SLC1A7: variants seen among roughly 807,000 people sequenced by gnomAD.
The protein encoded by SLC1A7 is solute carrier family 1 member 7.
A neutral mutation model predicts 47.7 loss-of-function variants in SLC1A7; 40 were observed. The ratio of observed to expected loss-of-function variants is 0.84; its 90% confidence interval spans 0.65 to 1.09. SLC1A7 has a LOEUF of 1.09. Among genes scored for constraint, SLC1A7 ranks in the 50% least tolerant of loss-of-function variants. The probability of loss-of-function intolerance (pLI) is 0.00; values close to 1 mark genes in which losing one functional copy is unlikely to be tolerated. For synonymous variants in SLC1A7, 323 were observed against 325.6 expected (o/e 0.99, Z 0.09); for missense variants, 746 against 769.5 (o/e 0.97, Z 0.36).
chr1:53,096,865 T>C (rs1644498792), intron 5 of SLC1A7, among the ~76,000 whole-genome samples: 1 of 122,984 alleles, frequency 8.1e-6, no homozygotes, highest in Non-Finnish European at 1.7e-5. Context: ...GTACGCTCAC[T>C]TTGCCTCGAT....
At chr1:53,135,944 A>C (rs1644988200) in intron 1 of SLC1A7, among the ~76,000 whole-genome samples, 1 of 151,700 alleles carries the variant, frequency 6.6e-6, no homozygotes, top group African/African-American at 2.4e-5. Context: ...AAAATCTCCA[A>C]ATCATCAAAT....
intron 2 of SLC1A7, among the ~76,000 whole-genome samples, chr1:53,130,776 G>A (rs535837867): frequency 2.2e-4 from 33 of 152,278 alleles, no homozygotes; most frequent in African/African-American, 7.7e-4. Context: ...AAGCAGCTCT[G>A]GTGATTTTGC....
intron 2 of SLC1A7, among the ~76,000 whole-genome samples, chr1:53,119,730 T>C (rs1355826189): frequency 3.3e-5 from 5 of 152,178 alleles, no homozygotes; most frequent in African/African-American, 4.8e-5. Context: ...CCCTTGGTAA[T>C]GAGCCTCAGA....
chr1:53,107,110 C>T (rs575575509), intron 3 of SLC1A7, among the ~76,000 whole-genome samples: 8 of 137,768 alleles, frequency 5.8e-5, no homozygotes, highest in Non-Finnish European at 1.1e-4. Context: ...GAGCTGAGAT[C>T]GCACCACTGC....
intron 1 of SLC1A7, among the ~76,000 whole-genome samples, chr1:53,137,645 TAA>T (rs996887251): frequency 3.9e-5 from 6 of 152,222 alleles, no homozygotes; most frequent in African/African-American, 7.2e-5. Flanking sequence ...GCTTGTAGCC[TAA>T]AGTTAATTGA....
At chr1:53,092,421 C>T (rs1424219909) in intron 7 of SLC1A7, 133 bp downstream of exon 7, 9 of 689,014 alleles carry the variant, frequency 1.3e-5, no homozygotes, top group African/African-American at 7.1e-5. Context: ...CAGCACCAGC[C>T]GTCCCCGCAT....
chr1:53,108,586 C>T (rs768530175), intron 3 of SLC1A7: 21 of 717,944 alleles, frequency 2.9e-5, no homozygotes, highest in Non-Finnish European at 5.5e-5. Flanking sequence ...AGGAGGTGCC[C>T]ATTCAGCCAG....
At chr1:53,116,688 C>T (rs998614892) in intron 2 of SLC1A7, among the ~76,000 whole-genome samples, 1 of 152,010 alleles carries the variant, frequency 6.6e-6, no homozygotes, top group East Asian at 1.9e-4. Context: ...CATGACAGAA[C>T]CCCCCGCAGT....
At chr1:53,123,708 AGAGCATGGAAGTCTGTG>A (rs1202212235) in intron 2 of SLC1A7, among the ~76,000 whole-genome samples, 1 of 152,348 alleles carries the variant, frequency 6.6e-6, no homozygotes. Context: ...GAAGGGAGCG[AGAGCATGGAAGTCTGTG>A]GTGCAGGATA....
intron 3 of SLC1A7, among the ~76,000 whole-genome samples, chr1:53,111,572 A>T (rs973865293): frequency 2.0e-5 from 3 of 152,156 alleles, no homozygotes; most frequent in Non-Finnish European, 4.4e-5. Flanking sequence ...TTGGTTTTCA[A>T]GGTAGAGCTC....
In SLC1A7 at chr1:53,096,547, C is replaced by T. The variant is rs115877268; in HGVS notation, c.698-2987G>A. Among the ~76,000 whole-genome samples the T allele has an allele frequency of 2.0e-3, 294 of 146,258 alleles. 1 individual carries two copies. Among genetic ancestry groups the T allele is most frequent in the Non-Finnish European group, 3.7e-3 (245 of 66,384 alleles). ...AAACCCCAGCTCAGTACACTCACAC[C>T]CCATGCCTCAGTACACTCACACACT... On this transcript the variant is annotated intron_variant, in intron 5 of 10. Transcript: ENST00000371494.
intron 2 of SLC1A7, among the ~76,000 whole-genome samples, chr1:53,116,856 C>T (rs1278161809): frequency 2.6e-5 from 4 of 152,190 alleles, no homozygotes; most frequent in Admixed American, 2.6e-4. Context: ...TCGCACATGC[C>T]CACTCCGTGC....
intron 2 of SLC1A7, among the ~76,000 whole-genome samples, chr1:53,127,491 G>A (rs12240252): frequency 0.19 from 28,195 of 152,106 alleles, 2,810 homozygotes; most frequent in Middle Eastern, 0.31. Flanking sequence ...GAGAAGGAAG[G>A]TTCCAGGAGA....
Position 53,103,620 on chromosome 1 carries a change from A to G in SLC1A7, c.475-52T>C, listed in dbSNP as rs1341614343. On this transcript the variant is annotated intron_variant, in intron 4 of 10. Coordinates refer to ENST00000371494, the MANE Select transcript of SLC1A7 (RefSeq NM_006671.6). ...GAAGTCAGGGCCAAGGGTTGTTACT[A>G]ATATTAACGACAACAATAATAGCAT... 5 of 1,081,960 alleles carry G rather than the reference A, an allele frequency of 4.6e-6. No homozygotes were observed. The East Asian group carries it at 7.3e-5, about 16-fold the overall frequency. 67.0% of individuals were successfully genotyped at this position (1,081,960 alleles called of 1,614,324 possible).
At chr1:53,090,016 G>C (rs755771557) in intron 8 of SLC1A7, 82 bp from the exon 9 acceptor site, 7 of 1,503,892 alleles carry the variant, frequency 4.7e-6, no homozygotes, top group Non-Finnish European at 4.6e-6. Flanking sequence ...AAGAGGTTGA[G>C]TGTCAGGGCC....
chr1:53,091,378 C>CG (rs1644419736), intron 7 of SLC1A7, among the ~76,000 whole-genome samples: 1 of 152,224 alleles, frequency 6.6e-6, no homozygotes, highest in Admixed American at 6.5e-5. Flanking sequence ...TCCTCTCCCC[C>CG]GGGCCTCTGC....
chr1:53,116,591 A>G (rs544504493), intron 2 of SLC1A7, among the ~76,000 whole-genome samples: 10 of 152,302 alleles, frequency 6.6e-5, no homozygotes, highest in African/African-American at 2.2e-4. Flanking sequence ...GCCAGAGGAA[A>G]TGGGGGGCTG....
Position 53,142,402 on chromosome 1 carries a change from C to T in SLC1A7, c.48G>A (p.Arg16=). 1 of 1,610,550 alleles carries T rather than the reference C, an allele frequency of 6.2e-7. No homozygotes were observed. The highest frequency in any genetic ancestry group is 1.7e-4 in the Middle Eastern group (1 of 6,052). Residue 16 remains arginine (R), a synonymous_variant, in exon 1 of 11, where the codon CGG becomes CGA. Coordinates refer to ENST00000371494, the MANE Select transcript of SLC1A7 (RefSeq NM_006671.6). ...GCACAGACAGGATGAGGAGTCCATT[C>T]CGCCTGCACACGTCCCTCCCCCGTG... The part of the protein sequence containing the change: ...ILARGRDVCR[R]NGLLILSVLS...
rs1452135306 is a variant in SLC1A7 at position 53,134,448 on chromosome 1, C to G, written c.136-19G>C. On this transcript the variant is annotated intron_variant, in intron 1 of 10. Transcript: ENST00000371494. The stretch of plus-strand genomic sequence containing the variant: ...TAATTTCCTGAAAACACAGTAAGAA[C>G]TGGGGTTATAGCAAGAGATGCAGAC... The G allele has an allele frequency of 3.8e-6, 6 of 1,568,148 alleles. No homozygotes were observed. In the Admixed American group the frequency reaches 5.0e-5, roughly 13 times the overall value.
Sources: allele counts gnomAD v4.1 joint callset (sites outside exome capture counted in the v4.1 genomes callset), GRCh38; gene constraint gnomAD v4.1.1; transcripts MANE v1.5; gene names NCBI Gene and HGNC (gene_info 2026-07-23, HGNC 2026-07-21).